ERCC6L2: variants seen among roughly 807,000 people sequenced by gnomAD.
The protein encoded by ERCC6L2 is DNA excision repair protein ERCC-6-like 2.
ERCC6L2 carries 77 observed loss-of-function variants against 132.0 expected under a neutral mutation model. The ratio of observed to expected loss-of-function variants is 0.58; its 90% CI spans 0.49 to 0.71. ERCC6L2 has a LOEUF of 0.71. Ranked by LOEUF, ERCC6L2 falls within the 30% of genes least tolerant of loss-of-function variation. The pLI, the probability that ERCC6L2 is intolerant of heterozygous loss-of-function variation, is 0.00. For synonymous variants in ERCC6L2, 583 were observed against 632.4 expected, an observed-to-expected ratio of 0.92 and a Z score of 1.17; for missense variants, 1,542 against 1,837.6, an observed-to-expected ratio of 0.84 and a Z score of 2.94.
intron 18 of ERCC6L2, 73 bp from the exon 19 acceptor site, chr9:96,012,152 C>T: frequency 9.9e-7 from 1 of 1,008,476 alleles, no homozygotes; most frequent in Non-Finnish European, 1.3e-6. Context: ...TACATTTCCT[C>T]TTACTGGTGA....
chr9:95,895,611 G>C (rs1828412134), intron 2 of ERCC6L2, among the ~76,000 whole-genome samples: 1 of 151,660 alleles, frequency 6.6e-6, no homozygotes, highest in African/African-American at 2.4e-5. Flanking sequence ...AGATACCATT[G>C]ATTTATCATA....
At chr9:95,964,084 A>AT (rs1183206318) in intron 13 of ERCC6L2, among the ~76,000 whole-genome samples, 2 of 152,076 alleles carry the variant, frequency 1.3e-5, no homozygotes, top group Non-Finnish European at 2.9e-5. Context: ...TTCATTCGTG[A>AT]TTCCTGCCTG....
At chr9:96,021,731 CCGCG>C (rs1834293864), downstream of ERCC6L2, 1 of 151,814 alleles carries the variant, frequency 6.6e-6, no homozygotes, top group Admixed American at 6.5e-5. This position sits in a 1 kb window ranked among gnomAD's most constrained non-coding sequence, Gnocchi z 4.7. Context: ...CCACTGGATC[CCGCG>C]CGCGTCGCGC....
At position 95,973,556 on chromosome 9, in the gene ERCC6L2, G is replaced by A. The variant is rs181402465; in HGVS notation, c.3337+468G>A. ...TGAGGAGCAAGTCATGTCTTACATG[G>A]ATGGTGGCAGGAAAAGAGAGAGAGC... is the stretch of plus-strand genomic sequence containing the variant. On this transcript the variant is annotated intron_variant, in intron 16 of 18. Coordinates refer to ENST00000653738, the MANE Select transcript of ERCC6L2 (RefSeq NM_020207.7). 2.8e-3 allele frequency among the ~76,000 whole-genome samples: 426 copies of A among 152,254 alleles called. 1 individual carries two copies. Among genetic ancestry groups the A allele is most frequent in the African/African-American group, 9.8e-3 (408 of 41,562 alleles).
intron 3 of ERCC6L2, among the ~76,000 whole-genome samples, chr9:95,901,154 G>A (rs1361651160): frequency 6.6e-6 from 1 of 151,812 alleles, no homozygotes; most frequent in Admixed American, 6.6e-5. Context: ...AGGCTTATCT[G>A]CCTATGGAAT....
intron 7 of ERCC6L2, 82 bp downstream of exon 7, chr9:95,921,397 TA>T (rs1393235853): frequency 8.9e-7 from 1 of 1,126,740 alleles, no homozygotes; most frequent in East Asian, 2.7e-5. Context: ...TAGCAGATGA[TA>T]AAATACCTTT....
intron 6 of ERCC6L2, among the ~76,000 whole-genome samples, chr9:95,920,818 C>T (rs1461128119): frequency 6.6e-6 from 1 of 152,112 alleles, no homozygotes; most frequent in Non-Finnish European, 1.5e-5. Flanking sequence ...GCTCTGTCGC[C>T]CAGGCTGTAG....
chr9:95,910,844 G>C (rs1289542197), intron 4 of ERCC6L2, among the ~76,000 whole-genome samples: 3 of 152,110 alleles, frequency 2.0e-5, no homozygotes, highest in Non-Finnish European at 4.4e-5. Context: ...AATTTTTCTA[G>C]GCCTTCACAA....
chr9:96,018,839 A>C (rs1039241415), downstream of ERCC6L2, among the ~76,000 whole-genome samples: 1 of 152,152 alleles, frequency 6.6e-6, no homozygotes, highest in Admixed American at 6.5e-5. Flanking sequence ...AATTATACCA[A>C]CATGATACCT....
At chr9:95,920,157 G>A (rs891405072) in intron 6 of ERCC6L2, among the ~76,000 whole-genome samples, 3 of 152,048 alleles carry the variant, frequency 2.0e-5, no homozygotes, top group Non-Finnish European at 2.9e-5. Flanking sequence ...CAGAAATTAC[G>A]ACATGTTTCT....
At chr9:95,970,860 C>T (rs752763226) in intron 15 of ERCC6L2, among the ~76,000 whole-genome samples, 20 of 152,138 alleles carry the variant, frequency 1.3e-4, no homozygotes, top group African/African-American at 1.9e-4. Context: ...AGGAGCAGTT[C>T]AGGCATTTAC....
At chr9:95,961,508 A>G (rs1250366900) in intron 13 of ERCC6L2, among the ~76,000 whole-genome samples, 3 of 152,206 alleles carry the variant, frequency 2.0e-5, no homozygotes, top group Non-Finnish European at 4.4e-5. Context: ...TTGTTGTAAG[A>G]CATCCAATTT....
intron 14 of ERCC6L2, among the ~76,000 whole-genome samples, chr9:95,969,150 G>A (rs1483561738): frequency 6.6e-6 from 1 of 152,102 alleles, no homozygotes; most frequent in Admixed American, 6.6e-5. Context: ...GGTTAGAGTG[G>A]GGTCAGCAAG....
At chr9:95,951,798 T>C (rs1306009808) in intron 12 of ERCC6L2, among the ~76,000 whole-genome samples, 1 of 152,084 alleles carries the variant, frequency 6.6e-6, no homozygotes, top group Non-Finnish European at 1.5e-5. Flanking sequence ...ATTGAATCAG[T>C]AATCAAAAAC....
chr9:95,877,081 G>A (rs867108746), intron 1 of ERCC6L2: 1 of 152,196 alleles, frequency 6.6e-6, no homozygotes, highest in Non-Finnish European at 1.5e-5. Context: ...GAAAGAGGGA[G>A]AGAGAGACCC....
At chr9:95,911,339 G>A (rs1373417809) in intron 4 of ERCC6L2, among the ~76,000 whole-genome samples, 1 of 152,026 alleles carries the variant, frequency 6.6e-6, no homozygotes, top group Non-Finnish European at 1.5e-5. Flanking sequence ...AAGCTCTTTG[G>A]TGTAGGAAAT....
chr9:96,007,014 CA>C (rs1833884731), intron 18 of ERCC6L2, among the ~76,000 whole-genome samples: 1 of 151,892 alleles, frequency 6.6e-6, no homozygotes. Flanking sequence ...TGGGTCTGAC[CA>C]GGGGTTAGAA....
chr9:95,941,172 C>G (rs1241072512), intron 11 of ERCC6L2, among the ~76,000 whole-genome samples: 1 of 152,002 alleles, frequency 6.6e-6, no homozygotes, highest in Non-Finnish European at 1.5e-5. Context: ...GAAAATCTTG[C>G]AGAAGTAGTA....
rs1365071062 is a variant in ERCC6L2 at position 96,014,851 on chromosome 9, A to G, written c.*1648A>G. Reference sequence around the variant, plus strand: ...ATGGTCCTTGATAGACTTGACTTGTAGATGTTTTCAGCCTACAATGTGATC... The same window carrying G: ...ATGGTCCTTGATAGACTTGACTTGTGGATGTTTTCAGCCTACAATGTGATC... On this transcript the variant is annotated 3_prime_UTR_variant, in exon 19 of 19. Transcript: ENST00000653738. Among the ~76,000 whole-genome samples the G allele has an allele frequency of 6.6e-6, 1 of 152,156 alleles. No individual in the cohort carries two copies. Among genetic ancestry groups the G allele is most frequent in the African/African-American group, 2.4e-5 (1 of 41,424 alleles).
Sources: gnomAD v4.1 joint callset for allele counts (sites outside exome capture counted in the v4.1 genomes callset) on GRCh38, gnomAD v4.1.1 for gene constraint, Gnocchi (gnomAD v3.1) non-coding constraint, MANE v1.5 for transcripts, NCBI Gene and HGNC (gene_info 2026-07-23, HGNC 2026-07-21) for gene names.